Variants in PPARD observed in about 807,000 individuals in gnomAD.
PPARD encodes the protein peroxisome proliferator activated receptor delta.
A neutral mutation model predicts 39.5 loss-of-function variants in PPARD; 6 were observed. That is an observed-to-expected ratio of 0.15 (90% CI 0.08 to 0.30). PPARD has a LOEUF of 0.30. Among genes scored for constraint, PPARD ranks in the 10% least tolerant of loss-of-function variants. PPARD has a pLI of 1.00. For synonymous variants in PPARD, 210 were observed against 231.3 expected (o/e 0.91, Z 0.83); for missense variants, 397 against 596.8 (o/e 0.67, Z 3.49).
chr6:35,420,108 C>T lies in PPARD; in HGVS notation c.131-19C>T. On this transcript the variant is annotated intron_variant, in intron 3 of 7. Coordinates refer to ENST00000360694, the MANE Select transcript of PPARD (RefSeq NM_006238.5). ...GGCCTGGCAGCATGTGGAGCTGCCC[C>T]TCCATCGTGTGTCCGCAGACCTCTC... 1 of 1,608,306 alleles carries T rather than the reference C, an allele frequency of 6.2e-7. No individual in the cohort carries two copies. Among genetic ancestry groups the T allele is most frequent in the Non-Finnish European group, 8.5e-7 (1 of 1,178,496 alleles).
Position 35,426,439 on chromosome 6 carries a change from T to C in PPARD, c.*360T>C, listed in dbSNP as rs1216730087. ...CTTTCTTATTCTGTGAGATGTTTTG[T>C]ATTATTTCACCAGCAGCATAGAACA... On this transcript the variant is annotated 3_prime_UTR_variant, in exon 8 of 8. Transcript: ENST00000360694. The C allele has an allele frequency of 6.4e-6, 2 of 311,670 alleles. No homozygotes were observed. The highest frequency in any genetic ancestry group is 4.4e-5 in the African/African-American group (2 of 45,970). 19.3% of individuals were successfully genotyped at this position (311,670 alleles called of 1,614,324 possible).
chr6:35,360,082 G>A (rs1281556690), intron 2 of PPARD, among the ~76,000 whole-genome samples: 1 of 152,034 alleles, frequency 6.6e-6, no homozygotes, highest in Non-Finnish European at 1.5e-5. Context: ...CAGGCCTTGG[G>A]GCCTCCTGCA....
intron 2 of PPARD, among the ~76,000 whole-genome samples, chr6:35,394,434 G>A (rs1764194546): frequency 6.6e-6 from 1 of 152,002 alleles, no homozygotes; most frequent in Non-Finnish European, 1.5e-5. Context: ...TAAAAAACTT[G>A]CTTACTAGAC....
chr6:35,413,928 C>T lies in PPARD; in HGVS notation c.130+2711C>T, dbSNP rs1765589085. Among the ~76,000 whole-genome samples the T allele has an allele frequency of 3.9e-5, 6 of 152,124 alleles. No homozygotes were observed. The South Asian group carries it at 1.2e-3, about 31-fold the overall frequency. On this transcript the variant is annotated intron_variant, in intron 3 of 7. Transcript: ENST00000360694. Reference sequence around the variant, plus strand: ...CGAACTCCTCAGGTGATCCTCCCGCCTCGGCCTCCCAAAGTGTTGGGATTT... The same window carrying T: ...CGAACTCCTCAGGTGATCCTCCCGCTTCGGCCTCCCAAAGTGTTGGGATTT...
chr6:35,357,055 G>A (rs1761659516), intron 2 of PPARD, among the ~76,000 whole-genome samples: 1 of 152,238 alleles, frequency 6.6e-6, no homozygotes, highest in Admixed American at 6.5e-5. Context: ...CTCAGGGTGT[G>A]CTTTTCCAAG....
At position 35,424,291 on chromosome 6, in the gene PPARD, C is replaced by T. The variant is rs1766421660; in HGVS notation, c.628-38C>T. On this transcript the variant is annotated intron_variant, in intron 6 of 7. Transcript: ENST00000360694. The surrounding 1 kb of genome is among the most constrained non-coding windows in gnomAD (Gnocchi z 7.1). Reference sequence around the variant, plus strand: ...GACATGGGGAGCACAGGGTGGGGGTCTCCCGAGGCCTGATCTCTAACGGGG... The same window carrying T: ...GACATGGGGAGCACAGGGTGGGGGTTTCCCGAGGCCTGATCTCTAACGGGG... The T allele has an allele frequency of 6.2e-7, 1 of 1,601,240 alleles. No individual in the cohort carries two copies. The highest frequency in any genetic ancestry group is 1.3e-5 in the African/African-American group (1 of 74,666).
intron 2 of PPARD, among the ~76,000 whole-genome samples, chr6:35,371,127 G>C (rs1384388587): frequency 6.6e-6 from 1 of 152,112 alleles, no homozygotes; most frequent in Non-Finnish European, 1.5e-5. Context: ...TCACATAATT[G>C]CTTTTTATTA....
rs1278608110 is a variant in PPARD, at chr6:35,380,459, GTTTTTTTTTTTTGTTTGT to G, written c.-101-30515_-101-30498del. Among the ~76,000 whole-genome samples the G allele has an allele frequency of 8.2e-4, 80 of 97,148 alleles. 1 individual carries two copies. The highest frequency in any genetic ancestry group is 2.6e-3 in the African/African-American group (76 of 29,620). 63.7% of individuals were successfully genotyped at this position (97,148 alleles called of 152,430 possible). ...CATACTCAGAGCCAATTAACCTCGT[GTTTTTTTTTTTTGTTTGT>G]TTTTTTTTTTTTTTTTTTTTTTTTT... is the stretch of plus-strand genomic sequence containing the variant. On this transcript the variant is annotated intron_variant, in intron 2 of 7. Coordinates refer to ENST00000360694, the MANE Select transcript of PPARD (RefSeq NM_006238.5).
intron 2 of PPARD, among the ~76,000 whole-genome samples, chr6:35,364,568 G>A (rs1409594170): frequency 6.6e-6 from 1 of 151,842 alleles, no homozygotes; most frequent in Non-Finnish European, 1.5e-5. Flanking sequence ...TGAGTAGCTG[G>A]GATTACAGGT....
At chr6:35,393,825 A>T (rs1764155471) in intron 2 of PPARD, among the ~76,000 whole-genome samples, 2 of 152,162 alleles carry the variant, frequency 1.3e-5, no homozygotes, top group South Asian at 4.1e-4. Flanking sequence ...GTGGGTGCTT[A>T]TATGGGACCT....
intron 2 of PPARD, among the ~76,000 whole-genome samples, chr6:35,350,606 ATG>A (rs1761178585): frequency 7.8e-6 from 1 of 127,856 alleles, no homozygotes; most frequent in African/African-American, 3.0e-5. Context: ...CCATTGGTCT[ATG>A]TGTCTTTTTT....
chr6:35,346,435 G>A (rs1253791662), intron 1 of PPARD, among the ~76,000 whole-genome samples: 3 of 152,144 alleles, frequency 2.0e-5, no homozygotes, highest in East Asian at 1.9e-4. Flanking sequence ...CCCTGTGCCC[G>A]GTGCCATTGT....
At chr6:35,421,786 G>A in intron 4 of PPARD, 34 bp from the exon 5 acceptor site, 1 of 1,575,540 alleles carries the variant, frequency 6.3e-7, no homozygotes, top group Non-Finnish European at 8.6e-7. Context: ...CCCACCTCCT[G>A]GTGGCCTTTC....
intron 2 of PPARD, among the ~76,000 whole-genome samples, chr6:35,382,050 T>G (rs909471286): frequency 1.3e-5 from 2 of 152,228 alleles, no homozygotes; most frequent in Admixed American, 6.5e-5. Context: ...CCTCTTCTGC[T>G]CTCTCCTTTT....
chr6:35,380,527 C>A (rs1472401604), intron 2 of PPARD, among the ~76,000 whole-genome samples: 1 of 110,220 alleles, frequency 9.1e-6, no homozygotes, highest in South Asian at 3.3e-4. Context: ...CTTACTTTGT[C>A]GCCCAGGCTG....
At chr6:35,402,134 G>A (rs1764728645) in intron 2 of PPARD, among the ~76,000 whole-genome samples, 1 of 152,110 alleles carries the variant, frequency 6.6e-6, no homozygotes, top group African/African-American at 2.4e-5. Context: ...GATTATAAAG[G>A]TATCCCACGC....
chr6:35,348,266 A>G (rs1382283521), intron 2 of PPARD: 2 of 856,814 alleles, frequency 2.3e-6, no homozygotes, highest in African/African-American at 1.8e-5. Context: ...TGATAATAGT[A>G]AAAAACAGAT....
intron 2 of PPARD, among the ~76,000 whole-genome samples, chr6:35,377,871 C>CTTTT (rs540687692): frequency 4.2e-5 from 5 of 120,332 alleles, no homozygotes; most frequent in East Asian, 2.9e-4. Flanking sequence ...GTTTACGTAT[C>CTTTT]TTTTTTTTTT....
intron 2 of PPARD, among the ~76,000 whole-genome samples, chr6:35,384,001 C>A: frequency 7.0e-6 from 1 of 143,702 alleles, no homozygotes; most frequent in Admixed American, 6.6e-5. Context: ...GGGGGTCAGC[C>A]CCACGCCCCG....
Sources: gnomAD v4.1 joint callset for allele counts (sites outside exome capture counted in the v4.1 genomes callset) on GRCh38, gnomAD v4.1.1 for gene constraint, Gnocchi (gnomAD v3.1) non-coding constraint, MANE v1.5 for transcripts, NCBI Gene and HGNC (gene_info 2026-07-23, HGNC 2026-07-21) for gene names.